SLC4A1: variants seen among roughly 807,000 people sequenced by gnomAD.
The protein encoded by SLC4A1 is solute carrier family 4 member 1 (Diego blood group).
In SLC4A1, 29 loss-of-function variants were observed where a neutral mutation model predicts 93.1. The ratio of observed to expected loss-of-function variants is 0.31; its 90% CI spans 0.23 to 0.42. SLC4A1 has a LOEUF of 0.42. Ranked by LOEUF, SLC4A1 falls within the 20% of genes least tolerant of loss-of-function variation. The probability of loss-of-function intolerance (pLI) is 1.00; values close to 1 mark genes in which losing one functional copy is unlikely to be tolerated. For synonymous variants in SLC4A1, 469 were observed against 497.2 expected (o/e 0.94, Z 0.76); for missense variants, 965 against 1,190.1 (o/e 0.81, Z 2.78).
At position 44,258,237 on chromosome 17, in the gene SLC4A1, AG is replaced by A; in HGVS notation, c.1088-58del. 1 of 1,530,346 alleles carries A rather than the reference AG, an allele frequency of 6.5e-7. No individual in the cohort carries two copies. The allele number at this position is 1,530,346 out of a possible 1,614,324, so 94.8% of individuals were successfully genotyped here. On this transcript the variant is annotated intron_variant, in intron 10 of 19. Coordinates refer to ENST00000262418, the MANE Select transcript of SLC4A1 (RefSeq NM_000342.4). This position sits in a 1 kb window ranked among gnomAD's most constrained non-coding sequence, Gnocchi z 6.1. ...GAGTAGCTGGAGGAGGTGAGGGGAA[AG>A]GGGACTGGAGGGTGTAGGGGAGATT...
chr17:44,255,782 T>G lies in SLC4A1; in HGVS notation c.1691A>C (p.Gln564Pro). Residue 564 changes from glutamine (Q) to proline (P), a missense_variant, in exon 14 of 20, where the codon CAG becomes CCG. By Grantham distance (76) the Gln-to-Pro change is moderately conservative. Coordinates refer to ENST00000262418, the MANE Select transcript of SLC4A1 (RefSeq NM_000342.4). The stretch of plus-strand genomic sequence containing the variant: ...GAGGGCTGTGTTGGGCAGGGGGCCC[T>G]GAGGTTTGGGCACCATCAACACGTT... ...NYNVLMVPKP[Q>P]GPLPNTALLS... is the part of the protein sequence containing the mutation. 1 of 1,614,076 alleles carries G rather than the reference T, an allele frequency of 6.2e-7. No individual in the cohort carries two copies. The highest frequency in any genetic ancestry group is 1.3e-5 in the African/African-American group (1 of 75,018).
chr17:44,268,040 C>T lies in SLC4A1; in HGVS notation c.-69+14G>A. Reference sequence around the variant, plus strand: ...ACCGAAGGACCATCCCCAGCCCCTCCCTGCCCTGCCCACCTGCTCACGAGC... The same window carrying T: ...ACCGAAGGACCATCCCCAGCCCCTCTCTGCCCTGCCCACCTGCTCACGAGC... On this transcript the variant is annotated intron_variant, in intron 1 of 19. Transcript: ENST00000262418. The T allele has an allele frequency of 2.0e-6, 2 of 984,140 alleles. No individual in the cohort carries two copies. Among genetic ancestry groups the T allele is most frequent in the Non-Finnish European group, 2.4e-6 (2 of 828,742 alleles). 61.0% of individuals were successfully genotyped at this position (984,140 alleles called of 1,614,324 possible).
chr17:44,255,526 G>C, intron 14 of SLC4A1, 147 bp downstream of exon 14: 5 of 907,240 alleles, frequency 5.5e-6, no homozygotes, highest in African/African-American at 3.3e-5. Context: ...TGAAACCCTA[G>C]GTAAGGATAG....
intron 13 of SLC4A1, among the ~76,000 whole-genome samples, chr17:44,256,688 C>T (rs1256860342): frequency 6.6e-6 from 1 of 152,240 alleles, no homozygotes; most frequent in African/African-American, 2.4e-5. Flanking sequence ...GTGTCATGCC[C>T]ATACCTACCC....
intron 13 of SLC4A1, 43 bp downstream of exon 13, chr17:44,257,307 T>C (rs370757773): frequency 6.3e-7 from 1 of 1,594,972 alleles, no homozygotes; most frequent in Middle Eastern, 1.7e-4. Flanking sequence ...CTCAGTCTTA[T>C]ACACAACCTC....
intron 16 of SLC4A1, among the ~76,000 whole-genome samples, chr17:44,254,009 T>C (rs552891586): frequency 6.8e-4 from 80 of 117,322 alleles, no homozygotes; most frequent in Admixed American, 1.2e-3. Flanking sequence ...AGTTTCACTC[T>C]CGTTGCCCAA....
At chr17:44,259,085 G>T in intron 9 of SLC4A1, 78 bp downstream of exon 9, 1 of 1,454,156 alleles carries the variant, frequency 6.9e-7, no homozygotes, top group Non-Finnish European at 9.6e-7. Context: ...AGTAACCCAG[G>T]CCAGGTTGGA....
At chr17:44,262,556 A>C (rs1190476175) in intron 3 of SLC4A1, 80 bp downstream of exon 3, 1 of 1,023,162 alleles carries the variant, frequency 9.8e-7, no homozygotes, top group Non-Finnish European at 1.5e-6. Flanking sequence ...ACTGTGGAGA[A>C]GGGGAGAGGA....
At chr17:44,264,632 T>C (rs1193941125) in intron 1 of SLC4A1, among the ~76,000 whole-genome samples, 1 of 152,232 alleles carries the variant, frequency 6.6e-6, no homozygotes, top group African/African-American at 2.4e-5. Flanking sequence ...AGGTGCTCAA[T>C]AAACATTTAC....
At chr17:44,252,607 C>A (rs1314593184) in intron 17 of SLC4A1, among the ~76,000 whole-genome samples, 2 of 152,188 alleles carry the variant, frequency 1.3e-5, no homozygotes, top group Admixed American at 1.3e-4. Flanking sequence ...GAACCCAGCT[C>A]GACTCTTGGC....
At chr17:44,259,627 C>G in intron 7 of SLC4A1, 46 bp from the exon 8 acceptor site, 2 of 1,543,872 alleles carry the variant, frequency 1.3e-6, no homozygotes, top group Non-Finnish European at 1.8e-6. Flanking sequence ...CCAGTCTGAC[C>G]TGGGAGACCT....
intron 9 of SLC4A1, 102 bp downstream of exon 9, chr17:44,259,061 A>G: frequency 8.0e-7 from 1 of 1,245,472 alleles, no homozygotes; most frequent in Non-Finnish European, 1.2e-6. Flanking sequence ...AATGGGTCAA[A>G]CCAGTGAACC....
rs1372074512 is a variant in SLC4A1 at position 44,249,437 on chromosome 17, A to AT, written c.*1020dup. Reference sequence around the variant, plus strand: ...CTCTTAGAAAATACGCAATTAATAAATTACAAACCCCCTCACTCTCCCGCC... The same window carrying AT: ...CTCTTAGAAAATACGCAATTAATAAATTTACAAACCCCCTCACTCTCCCGCC... On this transcript the variant is annotated 3_prime_UTR_variant, in exon 20 of 20. Coordinates refer to ENST00000262418, the MANE Select transcript of SLC4A1 (RefSeq NM_000342.4). 1 of 273,446 alleles carries AT rather than the reference A, an allele frequency of 3.7e-6. No homozygotes were observed. Among genetic ancestry groups the AT allele is most frequent in the East Asian group, 1.5e-4 (1 of 6,664 alleles). 16.9% of individuals were successfully genotyped at this position (273,446 alleles called of 1,614,324 possible). A position where few individuals can be genotyped will look rare whatever the true frequency, so the allele number is the denominator to read the frequency against.
chr17:44,259,418 G>A, intron 8 of SLC4A1, 74 bp from the exon 9 acceptor site: 1 of 1,603,208 alleles, frequency 6.2e-7, no homozygotes. Context: ...GGGCTGCGGG[G>A]GTCCAGGCTG....
In SLC4A1 at chr17:44,259,595, G is replaced by A. The variant is rs767019562; in HGVS notation, c.610-14C>T. The A allele has an allele frequency of 1.2e-6, 2 of 1,604,986 alleles. No individual in the cohort carries two copies. The highest frequency in any genetic ancestry group is 1.7e-6 in the Non-Finnish European group (2 of 1,171,768). Reference sequence around the variant, plus strand: ...GCCCCCATCTCCCTGTGGGAAGGAGGGTGGTGACGGGAGTCCTCGGGCCAG... The same window carrying A: ...GCCCCCATCTCCCTGTGGGAAGGAGAGTGGTGACGGGAGTCCTCGGGCCAG... On this transcript the variant is annotated splice_polypyrimidine_tract_variant and intron_variant, in intron 7 of 19. Coordinates refer to ENST00000262418, the MANE Select transcript of SLC4A1 (RefSeq NM_000342.4).
intron 11 of SLC4A1, 54 bp downstream of exon 11, chr17:44,257,932 A>G (rs1308182760): frequency 1.2e-6 from 2 of 1,610,642 alleles, no homozygotes; most frequent in East Asian, 2.2e-5. Flanking sequence ...TGGGGCTGAG[A>G]CAGAGGCCAG....
In SLC4A1 at chr17:44,257,506, G is replaced by A. The variant is rs780870252; in HGVS notation, c.1470C>T (p.Arg490=). 1.1e-5 allele frequency: 17 copies of A among 1,613,932 alleles called. No homozygotes were observed. The highest frequency in any genetic ancestry group is 6.6e-5 in the South Asian group (6 of 91,062). Residue 490 remains arginine (R), a synonymous_variant, in exon 13 of 20, where the codon CGC becomes CGT. Transcript: ENST00000262418. ...ETNGLEYIVG[R]VWIGFWLILL... is the part of the protein sequence containing the mutation. The stretch of plus-strand genomic sequence containing the variant: ...GGATGAGCCAGAAGCCGATCCACAC[G>A]CGGCCCACGATGTACTCTAGACCGT...
intron 17 of SLC4A1, among the ~76,000 whole-genome samples, chr17:44,251,802 C>G (rs1443550687): frequency 2.4e-5 from 3 of 122,796 alleles, no homozygotes; most frequent in African/African-American, 9.5e-5. Context: ...AGTGTGATCT[C>G]GGCTCACAAC....
At chr17:44,262,587 G>A in intron 3 of SLC4A1, 49 bp downstream of exon 3, 1 of 1,433,108 alleles carries the variant, frequency 7.0e-7, no homozygotes. Context: ...TCCTGTCCCT[G>A]TCTAGGGCTC....
Sources: gnomAD v4.1 joint callset for allele counts (sites outside exome capture counted in the v4.1 genomes callset) on GRCh38, gnomAD v4.1.1 for gene constraint, Gnocchi (gnomAD v3.1) non-coding constraint, MANE v1.5 for transcripts, NCBI Gene and HGNC (gene_info 2026-07-23, HGNC 2026-07-21) for gene names.